Variants in SLC9A9 observed in about 807,000 individuals in gnomAD.
SLC9A9 encodes the protein sodium/hydrogen exchanger 9.
In SLC9A9, 62 loss-of-function variants were observed where a neutral mutation model predicts 77.8. That is an observed-to-expected ratio of 0.80 (90% CI 0.65 to 0.98). The LOEUF (loss-of-function observed/expected upper bound fraction) is 0.98. Among genes scored for constraint, SLC9A9 ranks in the 50% least tolerant of loss-of-function variants. The pLI, the probability that SLC9A9 is intolerant of heterozygous loss-of-function variation, is 0.00. For missense variants in SLC9A9, 775 were observed against 774.9 expected, an observed-to-expected ratio of 1.00 and a Z score of 0.00; for synonymous variants, 320 against 283.5, an observed-to-expected ratio of 1.13 and a Z score of -1.29.
chr3:143,827,074 A>G (rs983956123), intron 2 of SLC9A9, among the ~76,000 whole-genome samples: 1 of 152,228 alleles, frequency 6.6e-6, no homozygotes, highest in East Asian at 1.9e-4. Context: ...TATGAAACAG[A>G]AAGTTATTTT....
intron 5 of SLC9A9, among the ~76,000 whole-genome samples, chr3:143,663,335 A>G (rs1015234998): frequency 6.6e-6 from 1 of 152,244 alleles, no homozygotes; most frequent in Admixed American, 6.5e-5. Flanking sequence ...GACCAAACAT[A>G]GATAAAACCA....
chr3:143,690,519 T>C (rs186536588), intron 5 of SLC9A9, among the ~76,000 whole-genome samples: 2 of 152,212 alleles, frequency 1.3e-5, no homozygotes, highest in East Asian at 1.9e-4. Flanking sequence ...AAGGTTGAAA[T>C]ATCTAGTCTT....
At chr3:143,726,936 C>A (rs1934669137) in intron 4 of SLC9A9, among the ~76,000 whole-genome samples, 1 of 151,976 alleles carries the variant, frequency 6.6e-6, no homozygotes, top group Non-Finnish European at 1.5e-5. Context: ...GAACTTACTG[C>A]AACTGTTTTT....
At chr3:143,497,378 A>G (rs1047441549) in intron 9 of SLC9A9, among the ~76,000 whole-genome samples, 1 of 152,298 alleles carries the variant, frequency 6.6e-6, no homozygotes, top group African/African-American at 2.4e-5. Context: ...TATGGAGCAT[A>G]TAATTTAGGA....
chr3:143,592,720 T>A (rs1250068392), intron 6 of SLC9A9, among the ~76,000 whole-genome samples: 2 of 152,158 alleles, frequency 1.3e-5, no homozygotes, highest in African/African-American at 4.8e-5. Context: ...ATGTAAATGA[T>A]GTTAACTGTA....
At chr3:143,719,216 G>T (rs1452392545) in intron 4 of SLC9A9, among the ~76,000 whole-genome samples, 1 of 152,146 alleles carries the variant, frequency 6.6e-6, no homozygotes, top group East Asian at 1.9e-4. Flanking sequence ...TGAGTGACTT[G>T]CCATCTTATA....
At chr3:143,515,795 A>C (rs191378253) in intron 9 of SLC9A9, among the ~76,000 whole-genome samples, 1 of 152,286 alleles carries the variant, frequency 6.6e-6, no homozygotes, top group Non-Finnish European at 1.5e-5. Context: ...GATTGTTTAC[A>C]ACCTTTATAT....
At chr3:143,491,734 A>G (rs860800) in intron 11 of SLC9A9, among the ~76,000 whole-genome samples, 68,448 of 151,996 alleles carry the variant, frequency 0.45, 16,727 homozygotes, top group Non-Finnish European at 0.54. Context: ...AAGGCCTTAT[A>G]TTTTTCTCAA....
chr3:143,616,593 G>A (rs186430197), intron 6 of SLC9A9, among the ~76,000 whole-genome samples: 144 of 152,250 alleles, frequency 9.5e-4, no homozygotes, highest in Non-Finnish European at 1.4e-3. Context: ...TAGAAGGGAC[G>A]CTTAGGGATC....
intron 2 of SLC9A9, among the ~76,000 whole-genome samples, chr3:143,797,190 A>AAAATATATATGTATATAAAATATATATAT (rs1366200199): frequency 1.6e-4 from 6 of 38,246 alleles, no homozygotes; most frequent in East Asian, 1.7e-3. Context: ...ATATATATAT[A>AAAATATATATGTATATAAAATATATATAT]AAATATATAT....
intron 1 of SLC9A9, among the ~76,000 whole-genome samples, chr3:143,844,711 CT>C (rs2009785298): frequency 7.3e-5 from 7 of 95,752 alleles, no homozygotes; most frequent in African/African-American, 2.8e-4. Flanking sequence ...AACTTTCTTT[CT>C]CTTTCTTTCT....
chr3:143,733,487 G>T lies in SLC9A9; in HGVS notation c.534-40180C>A, dbSNP rs73154704. Reference sequence around the variant, plus strand: ...AGCAATTTGAGAGCACAGGACTAATGAATTGTTTTCTAGGTGGACCCCAGC... The same window carrying T: ...AGCAATTTGAGAGCACAGGACTAATTAATTGTTTTCTAGGTGGACCCCAGC... On this transcript the variant is annotated intron_variant, in intron 4 of 15. Coordinates refer to ENST00000316549, the MANE Select transcript of SLC9A9 (RefSeq NM_173653.4). 3.0e-3 allele frequency among the ~76,000 whole-genome samples: 455 copies of T among 152,272 alleles called. 2 individuals carry two copies. The highest frequency in any genetic ancestry group is 4.6e-3 in the Admixed American group (70 of 15,308).
At chr3:143,736,716 G>A (rs1201018787) in intron 4 of SLC9A9, among the ~76,000 whole-genome samples, 1 of 152,136 alleles carries the variant, frequency 6.6e-6, no homozygotes, top group Non-Finnish European at 1.5e-5. Flanking sequence ...CACAAAAGAC[G>A]AATATCTCAC....
chr3:143,697,650 A>G (rs1004858716), intron 4 of SLC9A9, among the ~76,000 whole-genome samples: 5 of 151,952 alleles, frequency 3.3e-5, no homozygotes, highest in African/African-American at 9.7e-5. Context: ...CCAACTCTAT[A>G]ATGCTTTTGA....
intron 12 of SLC9A9, among the ~76,000 whole-genome samples, chr3:143,439,460 C>G (rs1019414717): frequency 6.7e-6 from 1 of 148,948 alleles, no homozygotes; most frequent in African/African-American, 2.5e-5. Context: ...AGGAAAGGAC[C>G]GTGGAGAAGA....
rs1010497386 is a variant in SLC9A9, at chr3:143,370,575, A to G, written c.1525-7012T>C. ...AGTATATGCATGTGCGCGCACACAC[A>G]CACACACACACACACACACACACAC... On this transcript the variant is annotated intron_variant, in intron 13 of 15. Coordinates refer to ENST00000316549, the MANE Select transcript of SLC9A9 (RefSeq NM_173653.4). Among the ~76,000 whole-genome samples, 56 of 124,412 alleles carry G rather than the reference A, an allele frequency of 4.5e-4. No homozygotes were observed. The East Asian group carries it at 9.1e-3, about 20-fold the overall frequency. The allele number at this position is 124,412 out of a possible 152,430, so 81.6% of individuals were successfully genotyped here.
intron 4 of SLC9A9, among the ~76,000 whole-genome samples, chr3:143,708,649 G>A (rs528017983): frequency 6.6e-6 from 1 of 152,164 alleles, no homozygotes; most frequent in African/African-American, 2.4e-5. Context: ...TAAATTCCAC[G>A]TACACATCAT....
intron 12 of SLC9A9, among the ~76,000 whole-genome samples, chr3:143,409,381 A>G (rs930177499): frequency 1.3e-5 from 2 of 152,228 alleles, no homozygotes; most frequent in African/African-American, 4.8e-5. Flanking sequence ...TCTCCATATT[A>G]TAAGCACCTC....
intron 14 of SLC9A9, among the ~76,000 whole-genome samples, chr3:143,305,093 A>G (rs1213086126): frequency 2.0e-5 from 3 of 152,232 alleles, no homozygotes; most frequent in African/African-American, 7.2e-5. Context: ...GTGATAAGGC[A>G]AAATCACAAC....
Sources: gnomAD v4.1 joint callset for allele counts (sites outside exome capture counted in the v4.1 genomes callset) on GRCh38, gnomAD v4.1.1 for gene constraint, MANE v1.5 for transcripts, NCBI Gene and HGNC (gene_info 2026-07-23, HGNC 2026-07-21) for gene names.